Variants in RPH3AL observed in about 807,000 individuals in gnomAD.
RPH3AL encodes rab effector Noc2.
Under a neutral mutation model 43.1 loss-of-function variants are expected in RPH3AL, and 38 were observed. The ratio of observed to expected loss-of-function variants is 0.88; its 90% CI spans 0.68 to 1.15. RPH3AL has a LOEUF of 1.15. RPH3AL is among the 50% of genes most tolerant of loss of function. The probability of loss-of-function intolerance (pLI) is 0.00; values close to 1 mark genes in which losing one functional copy is unlikely to be tolerated. For missense variants in RPH3AL, 462 were observed against 423.2 expected (o/e 1.09, Z -0.81); for synonymous variants, 189 against 176.3 (o/e 1.07, Z -0.57).
At chr17:281,894 G>T in intron 5 of RPH3AL, 40 bp from the exon 6 acceptor site, 1 of 1,505,126 alleles carries the variant, frequency 6.6e-7, no homozygotes, top group Non-Finnish European at 9.3e-7. Flanking sequence ...GATTGCAGCC[G>T]CTTCCTCCTC....
At chr17:315,614 A>G (rs1212697867) in intron 5 of RPH3AL, among the ~76,000 whole-genome samples, 1 of 122,340 alleles carries the variant, frequency 8.2e-6, no homozygotes, top group Non-Finnish European at 1.6e-5. Flanking sequence ...ACTGAACTCT[A>G]GTCCCTGTAC....
chr17:299,479 T>C (rs1298848843), intron 5 of RPH3AL, among the ~76,000 whole-genome samples: 1 of 152,014 alleles, frequency 6.6e-6, no homozygotes, highest in Non-Finnish European at 1.5e-5. Flanking sequence ...CTGGGGGAAA[T>C]GAACCCGCTC....
intron 5 of RPH3AL, among the ~76,000 whole-genome samples, chr17:317,185 A>G (rs928345882): frequency 7.2e-5 from 10 of 138,696 alleles, no homozygotes; most frequent in Non-Finnish European, 9.2e-5. Context: ...CTCCACCTCC[A>G]TTGACCTGTA....
At chr17:316,373 T>C (rs1314396484) in intron 5 of RPH3AL, among the ~76,000 whole-genome samples, 1 of 148,410 alleles carries the variant, frequency 6.7e-6, no homozygotes, top group Non-Finnish European at 1.5e-5. Flanking sequence ...TCCATTGACC[T>C]GTAGTCTCTC....
Position 213,871 on chromosome 17 carries a change from G to C in RPH3AL, c.929C>G (p.Pro310Arg). Residue 310 changes from proline (P) to arginine (R), a missense_variant, in exon 10 of 10, where the codon CCC becomes CGC. Pro to Arg is a moderately radical substitution (Grantham distance 103). Coordinates refer to ENST00000331302, the MANE Select transcript of RPH3AL (RefSeq NM_006987.4). ...GACACCTCAGCCCAGGCAGCTGGAG[G>C]GGCCTGCTGGAGCTGCGTCAGCAGC... ...APAADAAPAG[P>R]SSCLG The C allele has an allele frequency of 6.2e-7, 1 of 1,613,666 alleles. No homozygotes were observed. Among genetic ancestry groups the C allele is most frequent in the African/African-American group, 1.3e-5 (1 of 75,054 alleles).
intron 6 of RPH3AL, among the ~76,000 whole-genome samples, chr17:275,036 G>A (rs1367412700): frequency 6.6e-6 from 1 of 152,128 alleles, no homozygotes; most frequent in Non-Finnish European, 1.5e-5. Flanking sequence ...CTGGAATGCT[G>A]TTCTAGGCTC....
At chr17:258,971 C>T (rs562833249) in intron 6 of RPH3AL, among the ~76,000 whole-genome samples, 21 of 152,242 alleles carry the variant, frequency 1.4e-4, no homozygotes, top group South Asian at 8.3e-4. Flanking sequence ...CAACTTCATA[C>T]GATTCACCCC....
At chr17:235,953 G>T (rs1328860093) in intron 7 of RPH3AL, among the ~76,000 whole-genome samples, 4 of 150,610 alleles carry the variant, frequency 2.7e-5, no homozygotes, top group South Asian at 4.2e-4. Context: ...ACAGATCCAG[G>T]GTTCAAAGCT....
chr17:332,313 T>C lies in RPH3AL; in HGVS notation c.-37+1446A>G, dbSNP rs74995358. The C allele has an allele frequency of 3.5e-3, 716 of 205,796 alleles. 3 individuals are homozygous for C. The highest frequency in any genetic ancestry group is 0.015 in the African/African-American group (657 of 43,280). 12.7% of individuals were successfully genotyped at this position (205,796 alleles called of 1,614,324 possible). On this transcript the variant is annotated intron_variant, in intron 2 of 9. Coordinates refer to ENST00000331302, the MANE Select transcript of RPH3AL (RefSeq NM_006987.4). Reference sequence around the variant, plus strand: ...GTGCGCGTGTGTGTGTACAGGAGCATATTCAATGAGCACATAGGTCAAGGC... The same window carrying C: ...GTGCGCGTGTGTGTGTACAGGAGCACATTCAATGAGCACATAGGTCAAGGC...
chr17:315,684 A>T (rs200537212), intron 5 of RPH3AL, among the ~76,000 whole-genome samples: 1 of 20,394 alleles, frequency 4.9e-5, no homozygotes, highest in African/African-American at 1.8e-4. Context: ...AGTCCCTGTG[A>T]CCCCACCTCC....
At chr17:276,136 T>A (rs1455171092) in intron 6 of RPH3AL, among the ~76,000 whole-genome samples, 1 of 152,156 alleles carries the variant, frequency 6.6e-6, no homozygotes, top group East Asian at 1.9e-4. Context: ...GAATCAAACA[T>A]TTAAAATAAC....
At chr17:263,147 T>C (rs1360436569) in intron 6 of RPH3AL, among the ~76,000 whole-genome samples, 1 of 152,076 alleles carries the variant, frequency 6.6e-6, no homozygotes, top group Non-Finnish European at 1.5e-5. Context: ...CAACTAAAGA[T>C]ACCATCTAGA....
intron 2 of RPH3AL, chr17:330,875 C>T (rs1378195692): frequency 7.3e-6 from 1 of 137,062 alleles, no homozygotes; most frequent in African/African-American, 2.7e-5. Flanking sequence ...GACATAATCT[C>T]AAAAAAAAAA....
Position 213,542 on chromosome 17 carries a change from C to CA in RPH3AL, c.*309dup. Reference sequence around the variant, plus strand: ...CTGACACTGCATGTGGGAAACCCCCCAGCCCAACCCAAGACACGCGCAAAC... The same window carrying CA: ...CTGACACTGCATGTGGGAAACCCCCCAAGCCCAACCCAAGACACGCGCAAAC... On this transcript the variant is annotated 3_prime_UTR_variant, in exon 10 of 10. Transcript: ENST00000331302. 2.1e-6 allele frequency: 1 copy of CA among 483,812 alleles called. No individual in the cohort carries two copies. Among genetic ancestry groups the CA allele is most frequent in the Non-Finnish European group, 3.8e-6 (1 of 265,460 alleles). The allele number at this position is 483,812 out of a possible 1,614,324, so 30.0% of individuals were successfully genotyped here.
rs75807769 is a variant in RPH3AL at position 219,117 on chromosome 17, G to A, written c.727+506C>T. Among the ~76,000 whole-genome samples the A allele has an allele frequency of 3.2e-3, 481 of 149,804 alleles. 5 individuals carry two copies. The highest frequency in any genetic ancestry group is 0.011 in the African/African-American group (456 of 40,604). On this transcript the variant is annotated intron_variant, in intron 8 of 9. Coordinates refer to ENST00000331302, the MANE Select transcript of RPH3AL (RefSeq NM_006987.4). ...CCTAGGCCTGCTTCTCCTTCCAGAT[G>A]TAGAAGAACTCCTTGGACACCCACT... is the stretch of plus-strand genomic sequence containing the variant.
chr17:248,820 G>A (rs1466732978), intron 6 of RPH3AL, among the ~76,000 whole-genome samples: 4 of 152,198 alleles, frequency 2.6e-5, no homozygotes, highest in Non-Finnish European at 5.9e-5. Flanking sequence ...AAACATGATA[G>A]CTGCTGAGAA....
At chr17:249,754 G>A (rs891966958) in intron 6 of RPH3AL, among the ~76,000 whole-genome samples, 1 of 120,790 alleles carries the variant, frequency 8.3e-6, no homozygotes, top group Non-Finnish European at 1.8e-5. Flanking sequence ...GCTGCGGGAC[G>A]TCTCAGAGCC....
chr17:315,416 C>T (rs1416162278), intron 5 of RPH3AL, among the ~76,000 whole-genome samples: 15 of 151,754 alleles, frequency 9.9e-5, no homozygotes, highest in African/African-American at 3.6e-4. Context: ...TGTGCCCCCA[C>T]CTCCATTGAC....
At chr17:286,238 A>G (rs2042908107) in intron 5 of RPH3AL, among the ~76,000 whole-genome samples, 1 of 152,192 alleles carries the variant, frequency 6.6e-6, no homozygotes. Context: ...AGCGTGGACC[A>G]GTCGCCCTCC....
Sources: allele counts gnomAD v4.1 joint callset (sites outside exome capture counted in the v4.1 genomes callset), GRCh38; gene constraint gnomAD v4.1.1; transcripts MANE v1.5; gene names NCBI Gene and HGNC (gene_info 2026-07-23, HGNC 2026-07-21).